The following STX8 variants were observed in gnomAD, a reference collection of about 807,000 sequenced individuals.
The protein encoded by STX8 is syntaxin 8, also known as syntaxin-8.
A neutral mutation model predicts 37.5 loss-of-function variants in STX8; 23 were observed. That is an observed-to-expected ratio of 0.61 (90% confidence interval 0.44 to 0.87). The LOEUF (loss-of-function observed/expected upper bound fraction) is 0.87. Ranked by LOEUF, STX8 falls within the 40% of genes least tolerant of loss-of-function variation. The pLI is 0.00. For missense variants in STX8, 313 were observed against 284.7 expected, an observed-to-expected ratio of 1.10 and a Z score of -0.71; for synonymous variants, 115 against 99.1, an observed-to-expected ratio of 1.16 and a Z score of -0.95.
intron 7 of STX8, among the ~76,000 whole-genome samples, chr17:9,337,241 G>A (rs1181904311): frequency 2.0e-5 from 3 of 152,182 alleles, no homozygotes; most frequent in African/African-American, 7.2e-5. Context: ...CACTGCTTGA[G>A]TTGTGGAAGA....
chr17:9,380,189 G>T (rs1053423890), intron 6 of STX8, among the ~76,000 whole-genome samples: 4 of 151,198 alleles, frequency 2.6e-5, no homozygotes, highest in East Asian at 3.9e-4. Context: ...ATTTCTAGAT[G>T]GTGGGATCCT....
chr17:9,517,556 T>C (rs12451818), intron 4 of STX8, among the ~76,000 whole-genome samples: 49,034 of 151,882 alleles, frequency 0.32, 8,575 homozygotes, highest in African/African-American at 0.45. Context: ...AGACATCCAG[T>C]GGCTTCCTCA....
intron 7 of STX8, among the ~76,000 whole-genome samples, chr17:9,306,735 C>T (rs1031122380): frequency 1.4e-4 from 21 of 150,442 alleles, no homozygotes; most frequent in Admixed American, 1.0e-3. Flanking sequence ...ACTACACTCA[C>T]GCCTGGGCAA....
chr17:9,369,286 G>A (rs1911329419), intron 7 of STX8, among the ~76,000 whole-genome samples: 1 of 152,160 alleles, frequency 6.6e-6, no homozygotes, highest in South Asian at 2.1e-4. Flanking sequence ...AGCGGGTACA[G>A]AGACAGACAC....
chr17:9,544,730 C>T (rs1906426754), intron 4 of STX8, among the ~76,000 whole-genome samples: 1 of 152,180 alleles, frequency 6.6e-6, no homozygotes, highest in Non-Finnish European at 1.5e-5. Flanking sequence ...CAGTGGCTCA[C>T]ACCTGTAATC....
At chr17:9,485,206 C>T (rs1457437192) in intron 6 of STX8, among the ~76,000 whole-genome samples, 3 of 152,136 alleles carry the variant, frequency 2.0e-5, no homozygotes, top group South Asian at 2.1e-4. Context: ...AAATAAGACA[C>T]AAGGCAAGGT....
At chr17:9,439,148 G>A (rs1440841826) in intron 6 of STX8, among the ~76,000 whole-genome samples, 2 of 151,984 alleles carry the variant, frequency 1.3e-5, no homozygotes, top group Non-Finnish European at 2.9e-5. Context: ...ACCATAGCTT[G>A]CTGATCCTAG....
intron 7 of STX8, among the ~76,000 whole-genome samples, chr17:9,312,380 T>G (rs1349206277): frequency 1.3e-5 from 2 of 151,946 alleles, no homozygotes; most frequent in Non-Finnish European, 2.9e-5. Context: ...TTTGTATTTT[T>G]AGTAGAGATG....
intron 1 of STX8, among the ~76,000 whole-genome samples, chr17:9,572,201 A>C (rs1322537135): frequency 6.6e-6 from 1 of 152,196 alleles, no homozygotes; most frequent in African/African-American, 2.4e-5. Flanking sequence ...GGTAAAGCTA[A>C]TTAACATTAG....
chr17:9,468,357 G>A (rs951619822), intron 6 of STX8, among the ~76,000 whole-genome samples: 7 of 152,024 alleles, frequency 4.6e-5, no homozygotes, highest in Non-Finnish European at 1.5e-5. Flanking sequence ...TGATCCAGCC[G>A]CCTCGACCTC....
chr17:9,415,864 C>A (rs1361802133), intron 6 of STX8, among the ~76,000 whole-genome samples: 2 of 152,228 alleles, frequency 1.3e-5, no homozygotes, highest in African/African-American at 4.8e-5. Flanking sequence ...GCCTTTGAAA[C>A]TCTCATCTAC....
chr17:9,364,466 A>G (rs931971627), intron 7 of STX8, among the ~76,000 whole-genome samples: 3 of 152,116 alleles, frequency 2.0e-5, no homozygotes, highest in African/African-American at 4.8e-5. Flanking sequence ...AAGAAGAGGG[A>G]CCTGCCTTAT....
At chr17:9,327,242 G>GAGGAGGAAGGAGGA (rs770535259) in intron 7 of STX8, among the ~76,000 whole-genome samples, 2 of 140,050 alleles carry the variant, frequency 1.4e-5, no homozygotes, top group African/African-American at 6.3e-5. Context: ...AAGGAGGACA[G>GAGGAGGAAGGAGGA]AGGAGGAAGG....
rs780439849 is a variant in STX8, at chr17:9,537,817, C to T, written c.323+7355G>A. On this transcript the variant is annotated intron_variant, in intron 4 of 7. Coordinates refer to ENST00000306357, the MANE Select transcript of STX8 (RefSeq NM_004853.3). ...CAGTTAAGTATTAACCATACAGTCT[C>T]CCTAGCTAAATCAGCTTCCTATTAA... Among the ~76,000 whole-genome samples, 25 of 152,200 alleles carry T rather than the reference C, an allele frequency of 1.6e-4. 1 individual carries two copies. The highest frequency in any genetic ancestry group is 5.9e-5 in the Non-Finnish European group (4 of 68,038).
chr17:9,452,011 T>C (rs1408537279), intron 6 of STX8, among the ~76,000 whole-genome samples: 2 of 152,238 alleles, frequency 1.3e-5, no homozygotes, highest in Non-Finnish European at 2.9e-5. Flanking sequence ...TAATATAAAG[T>C]GCATGAATTG....
chr17:9,362,695 G>A (rs1911098465), intron 7 of STX8, among the ~76,000 whole-genome samples: 2 of 151,800 alleles, frequency 1.3e-5, no homozygotes, highest in East Asian at 1.9e-4. Context: ...GGTGGCGGGC[G>A]CCTGTAGTCC....
chr17:9,462,717 T>C (rs1335836305), intron 6 of STX8, among the ~76,000 whole-genome samples: 1 of 152,170 alleles, frequency 6.6e-6, no homozygotes, highest in African/African-American at 2.4e-5. Context: ...AGCGAGGCTC[T>C]GTCTCAACAA....
chr17:9,291,509 A>T (rs1007302791), intron 7 of STX8, among the ~76,000 whole-genome samples: 3 of 151,712 alleles, frequency 2.0e-5, no homozygotes, highest in African/African-American at 4.8e-5. Context: ...GGTACACATC[A>T]TATTTCCCTT....
intron 7 of STX8, chr17:9,273,366 C>T (rs187015273): frequency 6.6e-6 from 1 of 152,230 alleles, no homozygotes; most frequent in Non-Finnish European, 1.5e-5. Flanking sequence ...TCCCCCAACT[C>T]CCTGAGCGCC....
Sources: allele counts gnomAD v4.1 joint callset (sites outside exome capture counted in the v4.1 genomes callset), GRCh38; gene constraint gnomAD v4.1.1; transcripts MANE v1.5; gene names NCBI Gene and HGNC (gene_info 2026-07-23, HGNC 2026-07-21).